Variants in SIN3B observed in about 807,000 individuals in gnomAD.
SIN3B encodes the protein SIN3 transcription regulator family member B.
A neutral mutation model predicts 120.2 loss-of-function variants in SIN3B; 19 were observed. The ratio of observed to expected loss-of-function variants is 0.16; its 90% CI spans 0.11 to 0.23. The LOEUF (loss-of-function observed/expected upper bound fraction) is 0.23. SIN3B is among the 10% of genes least tolerant of loss of function. The pLI, the probability that SIN3B is intolerant of heterozygous loss-of-function variation, is 1.00. For synonymous variants in SIN3B, 654 were observed against 653.2 expected (o/e 1.00, Z -0.02); for missense variants, 1,073 against 1,573.0 (o/e 0.68, Z 5.38).
intron 13 of SIN3B, among the ~76,000 whole-genome samples, chr19:16,870,801 G>T (rs980199880): frequency 6.6e-6 from 1 of 152,110 alleles, no homozygotes; most frequent in African/African-American, 2.4e-5. Flanking sequence ...TGATCCACCT[G>T]CCTCGGGCTT....
chr19:16,876,213 C>A lies in SIN3B; in HGVS notation c.2751C>A (p.Asp917Glu). Reference protein sequence around the residue: ...YQWKAERCMADENCFKVMFLQ... With the variant: ...YQWKAERCMAEENCFKVMFLQ... ...GGAAGGCTGAGCGCTGCATGGCCGA[C>A]GAGAACTGCTTCAAGGTGAGAGGAG... Residue 917 changes from aspartate to glutamate, a missense_variant, in exon 15 of 19, where the codon GAC becomes GAA. Asp to Glu is a conservative substitution (Grantham distance 45, BLOSUM62 2). This residue lies in a region of SIN3B where 311 missense variants were observed against 400.3 expected (regional missense o/e 0.78). Transcript: ENST00000248054. The surrounding 1 kb of genome is among the most constrained non-coding windows in gnomAD (Gnocchi z 7.1). The A allele has an allele frequency of 6.2e-7, 1 of 1,611,146 alleles. No homozygotes were observed. Among genetic ancestry groups the A allele is most frequent in the Non-Finnish European group, 8.5e-7 (1 of 1,178,424 alleles).
chr19:16,856,050 C>A (rs1038215744), intron 8 of SIN3B, among the ~76,000 whole-genome samples: 3 of 152,100 alleles, frequency 2.0e-5, no homozygotes, highest in African/African-American at 7.2e-5. Context: ...GAGTGAGACC[C>A]TGTATCCAAA....
intron 14 of SIN3B, chr19:16,875,847 C>T (rs2144632539): frequency 1.6e-6 from 1 of 613,200 alleles, no homozygotes; most frequent in East Asian, 2.8e-5. Flanking sequence ...CTGGTCTGGT[C>T]TGGTCTGTTT....
At chr19:16,868,889 G>A (rs942535548) in intron 12 of SIN3B, among the ~76,000 whole-genome samples, 3 of 152,144 alleles carry the variant, frequency 2.0e-5, no homozygotes, top group Non-Finnish European at 2.9e-5. Flanking sequence ...GCTTGGTGAC[G>A]ATGGGCGTGC....
At chr19:16,831,724 CTCCTGTA>C (rs1371623195) in intron 3 of SIN3B, 77 bp downstream of exon 3, 3 of 1,302,178 alleles carry the variant, frequency 2.3e-6, no homozygotes, top group Non-Finnish European at 3.3e-6. Context: ...CCACGTGTCT[CTCCTGTA>C]TCATTGCTAG....
At chr19:16,877,253 C>T (rs2051620669) in intron 16 of SIN3B, 4 of 431,312 alleles carry the variant, frequency 9.3e-6, no homozygotes, top group Non-Finnish European at 1.7e-5. Context: ...GGGCGGTGCT[C>T]CTGCCAAAGG....
Position 16,878,921 on chromosome 19 carries a change from G to A in SIN3B, c.*194G>A. ...TGTGGGCCTGCTGTGTGCCAAACCT[G>A]AGCTACCTGCACCCGAGCCCTGGGG... On this transcript the variant is annotated 3_prime_UTR_variant, in exon 19 of 19. Transcript: ENST00000248054. The A allele has an allele frequency of 6.7e-6, 4 of 595,274 alleles. No individual in the cohort carries two copies. Among genetic ancestry groups the A allele is most frequent in the Non-Finnish European group, 1.2e-5 (4 of 341,330 alleles). 36.9% of individuals were successfully genotyped at this position (595,274 alleles called of 1,614,324 possible).
rs750700762 is a variant in SIN3B at position 16,876,087 on chromosome 19, G to A, written c.2625G>A (p.Leu875=). ...ACCTCGTGAGCGATGACGTCTGCCTGAAGGTGGTGGAGCTCTACCTGAACG... is the reference window on the plus strand; with the variant it reads ...ACCTCGTGAGCGATGACGTCTGCCTAAAGGTGGTGGAGCTCTACCTGAACG... ...LHHLVSDDVC[L]KVVELYLNEK... The change falls in exon 15 of 19, where the codon CTG becomes CTA. Residue 875 remains leucine (L), a synonymous_variant. Coordinates refer to ENST00000248054, the MANE Select transcript of SIN3B (RefSeq NM_001297595.2). This position sits in a 1 kb window ranked among gnomAD's most constrained non-coding sequence, Gnocchi z 7.1. 2.5e-6 allele frequency: 4 copies of A among 1,584,306 alleles called. No individual in the cohort carries two copies. The highest frequency in any genetic ancestry group is 3.4e-6 in the Non-Finnish European group (4 of 1,166,288).
Position 16,862,424 on chromosome 19 carries a change from G to A in SIN3B, c.1131G>A (p.Met377Ile). 1.2e-6 allele frequency: 2 copies of A among 1,614,186 alleles called. No individual in the cohort carries two copies. The highest frequency in any genetic ancestry group is 2.2e-5 in the South Asian group (2 of 91,082). Residue 377 changes from methionine to isoleucine, a missense_variant, in exon 9 of 19, where the codon ATG becomes ATA. Coordinates refer to ENST00000248054, the MANE Select transcript of SIN3B (RefSeq NM_001297595.2). This position sits in a 1 kb window ranked among gnomAD's most constrained non-coding sequence, Gnocchi z 4.7. ...GVKELSFAPP[M>I]SDRSGDGISR... ...AAGAGCTGTCCTTCGCGCCACCCAT[G>A]AGCGACAGATCCGGGGACGGGATAA...
chr19:16,853,218 C>A, intron 7 of SIN3B, 60 bp downstream of exon 7: 1 of 1,470,056 alleles, frequency 6.8e-7, no homozygotes, highest in Non-Finnish European at 9.5e-7. Context: ...TGGGCCAATG[C>A]TCCCTGGGCC....
intron 8 of SIN3B, among the ~76,000 whole-genome samples, chr19:16,856,444 G>A (rs187258253): frequency 1.3e-5 from 2 of 152,232 alleles, no homozygotes; most frequent in Admixed American, 1.3e-4. Context: ...TACCTGCAGG[G>A]CCCTTCAAAT....
chr19:16,829,910 C>A lies in SIN3B; in HGVS notation c.227+13C>A, dbSNP rs772775185. 1.2e-5 allele frequency: 19 copies of A among 1,585,030 alleles called. No homozygotes were observed. The South Asian group carries it at 1.9e-4, about 16-fold the overall frequency. ...TCAAAAGCCAGAGGTACCAGCGGGG[C>A]CCCTCTCCACCTCAGGGGACCCCCC... On this transcript the variant is annotated intron_variant, in intron 2 of 18. Transcript: ENST00000248054.
In SIN3B at chr19:16,862,859, C is replaced by G; in HGVS notation, c.1266+300C>G. 1 of 1,582,996 alleles carries G rather than the reference C, an allele frequency of 6.3e-7. No individual in the cohort carries two copies. Among genetic ancestry groups the G allele is most frequent in the Non-Finnish European group, 8.7e-7 (1 of 1,151,658 alleles). ...ATGATTCTGCTCTGTCCCGGGCTCA[C>G]TGACCTCAGTGTGTTTCTGTTTAGC... On this transcript the variant is annotated intron_variant, in intron 9 of 18. Coordinates refer to ENST00000248054, the MANE Select transcript of SIN3B (RefSeq NM_001297595.2). This position sits in a 1 kb window ranked among gnomAD's most constrained non-coding sequence, Gnocchi z 4.7.
intron 3 of SIN3B, 101 bp from the exon 4 acceptor site, chr19:16,841,667 T>C: frequency 8.7e-7 from 1 of 1,144,786 alleles, no homozygotes; most frequent in Middle Eastern, 2.9e-4. Context: ...GGCTCCGTGC[T>C]GAGTTTTTTC....
intron 3 of SIN3B, among the ~76,000 whole-genome samples, chr19:16,833,767 A>G (rs1032313771): frequency 2.7e-5 from 4 of 150,126 alleles, no homozygotes; most frequent in African/African-American, 9.8e-5. Flanking sequence ...TCTGTCACCC[A>G]GGCTGGAGTT....
intron 8 of SIN3B, among the ~76,000 whole-genome samples, chr19:16,858,999 C>T (rs574834192): frequency 6.6e-6 from 1 of 151,940 alleles, no homozygotes; most frequent in African/African-American, 2.4e-5. Flanking sequence ...AGTGAGACCT[C>T]GTCAGAAACT....
At chr19:16,872,340 G>A (rs1349154453) in intron 14 of SIN3B, 1 of 151,918 alleles carries the variant, frequency 6.6e-6, no homozygotes, top group African/African-American at 2.4e-5. Flanking sequence ...AATTTGAAGG[G>A]GGCAGATGGA....
chr19:16,863,198 C>T (rs1469389245), intron 9 of SIN3B: 16 of 541,726 alleles, frequency 3.0e-5, no homozygotes, highest in Non-Finnish European at 3.9e-5. Context: ...GAAATGAAAT[C>T]GGCCCTCCGG....
Position 16,829,463 on chromosome 19 carries a change from G to C in SIN3B, c.43G>C (p.Gly15Arg). ...TGGCAGCGGTGGCAGCGGTGCCGGC[G>C]GCCCCGCGGGCCGGGGGCTGAGCGG... ...GGGSGGSGAG[G>R]PAGRGLSGAR... Residue 15 changes from glycine to arginine, a missense_variant, in exon 1 of 19, where the codon GGC becomes CGC. Physicochemically the swap from Gly to Arg is moderately radical, Grantham distance 125. Around this residue, in one of 7 missense-constraint regions of SIN3B, gnomAD observed 395 missense variants for 528.0 expected, o/e 0.75. Transcript: ENST00000248054. 1 of 1,216,514 alleles carries C rather than the reference G, an allele frequency of 8.2e-7. No individual in the cohort carries two copies. The highest frequency in any genetic ancestry group is 4.3e-5 in the Admixed American group (1 of 23,142). 75.4% of individuals were successfully genotyped at this position (1,216,514 alleles called of 1,614,324 possible).
Sources: gnomAD v4.1 joint callset for allele counts (sites outside exome capture counted in the v4.1 genomes callset) on GRCh38, gnomAD v4.1.1 for gene constraint, gnomAD v4.1.1 regional missense constraint, Gnocchi (gnomAD v3.1) non-coding constraint, MANE v1.5 for transcripts, NCBI Gene and HGNC (gene_info 2026-07-23, HGNC 2026-07-21) for gene names.